Variants in CAMSAP1 observed in about 807,000 individuals in gnomAD.
CAMSAP1 encodes calmodulin-regulated spectrin-associated protein 1.
In CAMSAP1, 58 loss-of-function variants were observed where a neutral mutation model predicts 143.5. That is an observed-to-expected ratio of 0.40 (90% CI 0.33 to 0.50). The LOEUF (loss-of-function observed/expected upper bound fraction) is 0.50, where lower values mean the gene tolerates loss of function less well. CAMSAP1 is among the 20% of genes least tolerant of loss of function. CAMSAP1 has a pLI of 0.45. For synonymous variants in CAMSAP1, 945 were observed against 859.3 expected (o/e 1.10, Z -1.74); for missense variants, 1,969 against 2,115.7 (o/e 0.93, Z 1.36).
rs1158878661 is a variant in CAMSAP1, at chr9:135,819,099, G to A, written c.3870C>T (p.Phe1290=). Residue 1290 remains phenylalanine (F), a synonymous_variant, in exon 12 of 17, where the codon TTC becomes TTT. Coordinates refer to ENST00000389532, the MANE Select transcript of CAMSAP1 (RefSeq NM_015447.4). ...EDELAKKRAA[F]LLKQQRKAEE... Reference sequence around the variant, plus strand: ...CGGCCTTGCGCTGCTGCTTCAGGAGGAAGGCCGCCCGCTTCTTGGCGAGCT... The same window carrying A: ...CGGCCTTGCGCTGCTGCTTCAGGAGAAAGGCCGCCCGCTTCTTGGCGAGCT... The A allele has an allele frequency of 6.2e-7, 1 of 1,602,806 alleles. No individual in the cohort carries two copies. Among genetic ancestry groups the A allele is most frequent in the East Asian group, 2.3e-5 (1 of 44,324 alleles).
rs935518044 is a variant in CAMSAP1, at chr9:135,862,406, T to C, written c.808+61A>G. ...TTTTTAATATATATGTGGATCAATGTACACTATAATTTTCCTTTAAGCCTT... is the reference window on the plus strand; with the variant it reads ...TTTTTAATATATATGTGGATCAATGCACACTATAATTTTCCTTTAAGCCTT... On this transcript the variant is annotated intron_variant, in intron 5 of 16. Transcript: ENST00000389532. 10 of 1,506,968 alleles carry C rather than the reference T, an allele frequency of 6.6e-6. No homozygotes were observed. The African/African-American group carries it at 1.4e-4, about 21-fold the overall frequency. The allele number at this position is 1,506,968 out of a possible 1,614,324, so 93.3% of individuals were successfully genotyped here. A position where few individuals can be genotyped will look rare whatever the true frequency, so the allele number is the denominator to read the frequency against.
intron 5 of CAMSAP1, among the ~76,000 whole-genome samples, chr9:135,853,168 T>C (rs1315158731): frequency 6.6e-6 from 1 of 152,114 alleles, no homozygotes; most frequent in Non-Finnish European, 1.5e-5. Context: ...GGTGACACGC[T>C]GGGAGGACAC....
At position 135,821,290 on chromosome 9, in the gene CAMSAP1, G is replaced by T. The variant is rs368924167; in HGVS notation, c.3371C>A (p.Thr1124Lys). ...GTGCGGGAGCGTCTCTACACTGGGCGTTGGGGTTTTACTTCGGGAGGAGCC... is the reference window on the plus strand; with the variant it reads ...GTGCGGGAGCGTCTCTACACTGGGCTTTGGGGTTTTACTTCGGGAGGAGCC... The part of the protein sequence containing the change: ...PQGSSRSKTP[T>K]PSVETLPHLR... The change falls in exon 11 of 17, where the codon ACG (threonine) becomes AAG (lysine). Residue 1124 changes from threonine to lysine, a missense_variant. Physicochemically the swap from Thr to Lys is moderately conservative, Grantham distance 78 (BLOSUM62 -1). Around this residue, in one of 4 missense-constraint regions of CAMSAP1, gnomAD observed 1,390 missense variants for 1,420.8 expected, o/e 0.98. Coordinates refer to ENST00000389532, the MANE Select transcript of CAMSAP1 (RefSeq NM_015447.4). The surrounding 1 kb of genome is among the most constrained non-coding windows in gnomAD (Gnocchi z 4.6). The T allele has an allele frequency of 6.2e-7, 1 of 1,611,660 alleles. No individual in the cohort carries two copies. Among genetic ancestry groups the T allele is most frequent in the South Asian group, 1.1e-5 (1 of 91,082 alleles).
rs780231743 is a variant in CAMSAP1 at position 135,822,540 on chromosome 9, G to A, written c.2121C>T (p.Ala707=). 27 of 1,613,594 alleles carry A rather than the reference G, an allele frequency of 1.7e-5. 1 individual carries two copies. Among genetic ancestry groups the A allele is most frequent in the South Asian group, 5.5e-5 (5 of 91,060 alleles). The part of the protein sequence containing the change: ...TDGFFLHVGR[A]DEDTEGRLYV... ...ATAACCTTCCCTCGGTGTCTTCATC[G>A]GCCCTGCCTACATGAAGGAAGAAGC... Residue 707 remains alanine, a synonymous_variant, in exon 11 of 17, where the codon GCC becomes GCT. Transcript: ENST00000389532. The surrounding 1 kb of genome is among the most constrained non-coding windows in gnomAD (Gnocchi z 6.1).
rs746019751 is a variant in CAMSAP1, at chr9:135,821,608, T to G, written c.3053A>C (p.Asn1018Thr). Residue 1018 changes from asparagine (N) to threonine (T), a missense_variant, in exon 11 of 17, where the codon AAT becomes ACT. Coordinates refer to ENST00000389532, the MANE Select transcript of CAMSAP1 (RefSeq NM_015447.4). The surrounding 1 kb of genome is among the most constrained non-coding windows in gnomAD (Gnocchi z 4.6). ...EDTVGEVVDV[N>T]ECDLSIEKLN... ...CTTCTCGATGGAAAGGTCACATTCA[T>G]TCACGTCGACAACCTCCCCAACAGT... 3 of 1,613,912 alleles carry G rather than the reference T, an allele frequency of 1.9e-6. No homozygotes were observed. The Admixed American group carries it at 5.0e-5, about 27-fold the overall frequency.
intron 1 of CAMSAP1, among the ~76,000 whole-genome samples, chr9:135,891,169 G>A (rs995081005): frequency 6.6e-6 from 1 of 152,204 alleles, no homozygotes; most frequent in African/African-American, 2.4e-5. Flanking sequence ...ACAAGCTGGA[G>A]GGGGAATCCT....
intron 5 of CAMSAP1, among the ~76,000 whole-genome samples, chr9:135,853,309 G>A (rs1393946499): frequency 6.6e-6 from 1 of 152,184 alleles, no homozygotes; most frequent in Non-Finnish European, 1.5e-5. Flanking sequence ...AGGGGACGCT[G>A]GGCCAAGCAG....
intron 3 of CAMSAP1, among the ~76,000 whole-genome samples, chr9:135,875,679 C>CA (rs1419861509): frequency 6.6e-6 from 1 of 152,128 alleles, no homozygotes; most frequent in Non-Finnish European, 1.5e-5. Context: ...CAAAGTAATT[C>CA]AATAAGGAAA....
Position 135,820,795 on chromosome 9 carries a change from C to A in CAMSAP1, c.3822+44G>T. On this transcript the variant is annotated intron_variant, in intron 11 of 16. Coordinates refer to ENST00000389532, the MANE Select transcript of CAMSAP1 (RefSeq NM_015447.4). The surrounding 1 kb of genome is among the most constrained non-coding windows in gnomAD (Gnocchi z 4.4). The stretch of plus-strand genomic sequence containing the variant: ...TCTAACTCACTATCACGTGGGGTGG[C>A]AACACATCACGAGTGCCTGAAACAG... 6.3e-7 allele frequency: 1 copy of A among 1,594,068 alleles called. No homozygotes were observed.
Position 135,907,051 on chromosome 9 carries a change from C to A in CAMSAP1, c.109G>T (p.Ala37Ser), listed in dbSNP as rs1179707982. Residue 37 changes from alanine to serine, a missense_variant, in exon 1 of 17, where the codon GCC becomes TCC. By Grantham distance (99) the Ala-to-Ser change is moderately conservative (BLOSUM62 1). Coordinates refer to ENST00000389532, the MANE Select transcript of CAMSAP1 (RefSeq NM_015447.4). ...VPLDRYDAAR[A>S]KIAANLQWIC... ...CACTGCAGGTTGGCGGCGATCTTGG[C>A]GCGCGCCGCGTCGTAGCGGTCCAGG... 1.7e-6 allele frequency: 2 copies of A among 1,206,260 alleles called. No homozygotes were observed. Among genetic ancestry groups the A allele is most frequent in the South Asian group, 2.2e-5 (1 of 45,032 alleles). 74.7% of individuals were successfully genotyped at this position (1,206,260 alleles called of 1,614,324 possible).
chr9:135,825,005 G>C, intron 8 of CAMSAP1, 125 bp from the exon 9 acceptor site: 2 of 738,666 alleles, frequency 2.7e-6, no homozygotes, highest in Non-Finnish European at 4.3e-6. Flanking sequence ...GGACTGTTTG[G>C]GAAAAAAATG....
At chr9:135,905,073 TGTCCA>T (rs1299486369) in intron 1 of CAMSAP1, among the ~76,000 whole-genome samples, 8 of 152,212 alleles carry the variant, frequency 5.3e-5, no homozygotes, top group Non-Finnish European at 1.2e-4. Flanking sequence ...CCTAAGATGG[TGTCCA>T]GTCTTCTCCA....
chr9:135,893,405 A>G (rs1389005750), intron 1 of CAMSAP1, among the ~76,000 whole-genome samples: 2 of 152,024 alleles, frequency 1.3e-5, no homozygotes, highest in African/African-American at 4.8e-5. Flanking sequence ...GGAGAAAGGA[A>G]AAAAAGAGGA....
At chr9:135,862,314 C>A (rs1275884488) in intron 5 of CAMSAP1, among the ~76,000 whole-genome samples, 153 bp downstream of exon 5, 1 of 151,924 alleles carries the variant, frequency 6.6e-6, no homozygotes, top group Non-Finnish European at 1.5e-5. Flanking sequence ...CATCATCCCC[C>A]AATTTTTTCA....
intron 3 of CAMSAP1, among the ~76,000 whole-genome samples, chr9:135,869,369 G>T (rs991777392): frequency 6.6e-6 from 1 of 151,994 alleles, no homozygotes; most frequent in Non-Finnish European, 1.5e-5. Context: ...CAGGTGTGGT[G>T]GCTCACACCT....
chr9:135,859,471 C>A (rs557767418), intron 5 of CAMSAP1, among the ~76,000 whole-genome samples: 1 of 152,276 alleles, frequency 6.6e-6, no homozygotes, highest in East Asian at 1.9e-4. Flanking sequence ...CGGCTCACTG[C>A]AAGCTCCACC....
intron 1 of CAMSAP1, among the ~76,000 whole-genome samples, chr9:135,883,447 G>C (rs59853781): frequency 0.019 from 2,878 of 152,264 alleles, 98 homozygotes; most frequent in African/African-American, 0.067. Context: ...TGTTAATGGG[G>C]CTGAGGGGAA....
chr9:135,842,592 A>G lies in CAMSAP1; in HGVS notation c.1045+7545T>C, dbSNP rs151231392. Among the ~76,000 whole-genome samples the G allele has an allele frequency of 2.4e-4, 36 of 152,300 alleles. No homozygotes were observed. In the East Asian group the frequency reaches 5.6e-3, roughly 24 times the overall value. Reference sequence around the variant, plus strand: ...AAAAATGTTAAGTGCAGCCAGAGAGAAAGGTCAGGTTACCCACAAAGGGAA... The same window carrying G: ...AAAAATGTTAAGTGCAGCCAGAGAGGAAGGTCAGGTTACCCACAAAGGGAA... On this transcript the variant is annotated intron_variant, in intron 7 of 16. Transcript: ENST00000389532.
At position 135,824,047 on chromosome 9, in the gene CAMSAP1, G is replaced by A. The variant is rs1382198872; in HGVS notation, c.1316-13C>T. On this transcript the variant is annotated splice_polypyrimidine_tract_variant and intron_variant, in intron 9 of 16. Transcript: ENST00000389532. This position sits in a 1 kb window ranked among gnomAD's most constrained non-coding sequence, Gnocchi z 4.1. ...CGATGTCGCTGATCTGCAGTACAGA[G>A]GAATTAGATAGTGTTAAGTAACCAA... 2 of 1,567,084 alleles carry A rather than the reference G, an allele frequency of 1.3e-6. No homozygotes were observed. Among genetic ancestry groups the A allele is most frequent in the Middle Eastern group, 1.7e-4 (1 of 6,008 alleles).
Sources: gnomAD v4.1 joint callset for allele counts (sites outside exome capture counted in the v4.1 genomes callset) on GRCh38, gnomAD v4.1.1 for gene constraint, gnomAD v4.1.1 regional missense constraint, Gnocchi (gnomAD v3.1) non-coding constraint, MANE v1.5 for transcripts, NCBI Gene and HGNC (gene_info 2026-07-23, HGNC 2026-07-21) for gene names.